Variants in RAPGEF5 observed in about 807,000 individuals in gnomAD.
RAPGEF5 encodes Rap guanine nucleotide exchange factor 5.
A neutral mutation model predicts 125.2 loss-of-function variants in RAPGEF5; 65 were observed. The observed-to-expected ratio is 0.52, with a 90% CI of 0.43 to 0.64. The LOEUF (loss-of-function observed/expected upper bound fraction) is 0.64. Ranked by LOEUF, RAPGEF5 falls within the 30% of genes least tolerant of loss-of-function variation. RAPGEF5 has a pLI of 0.00. For missense variants in RAPGEF5, 958 were observed against 1,048.1 expected, an observed-to-expected ratio of 0.91 and a Z score of 1.19; for synonymous variants, 391 against 385.9, an observed-to-expected ratio of 1.01 and a Z score of -0.16.
chr7:22,126,269 T>C (rs1782742278), intron 24 of RAPGEF5, among the ~76,000 whole-genome samples: 2 of 152,232 alleles, frequency 1.3e-5, no homozygotes, highest in Admixed American at 6.5e-5. Context: ...TGTTCACATT[T>C]GCACATGTGT....
intron 7 of RAPGEF5, among the ~76,000 whole-genome samples, chr7:22,236,029 C>T (rs1460992791): frequency 1.3e-5 from 2 of 152,116 alleles, no homozygotes; most frequent in African/African-American, 4.8e-5. Context: ...TAACCTGGCC[C>T]ATCCAGTGCC....
rs1404116512 is a variant in RAPGEF5, at chr7:22,258,154, T to C, written c.796+8810A>G. ...CAAAAAAAGAGCCAACTAGAAGAGATAATAGATGTAGATACAGATAAACTG... is the reference window on the plus strand; with the variant it reads ...CAAAAAAAGAGCCAACTAGAAGAGACAATAGATGTAGATACAGATAAACTG... On this transcript the variant is annotated intron_variant, in intron 7 of 25. Transcript: ENST00000665637. Among the ~76,000 whole-genome samples, 3 of 152,134 alleles carry C rather than the reference T, an allele frequency of 2.0e-5. No individual in the cohort carries two copies. The East Asian group carries it at 5.8e-4, about 29-fold the overall frequency.
rs1303389488 is a variant in RAPGEF5, at chr7:22,120,744, T to C, written c.*1662A>G. ...CCCTATAAATGTTCAGGACTGAAGT[T>C]TTACATGCTGGGCCAAACTAAGTCT... On this transcript the variant is annotated 3_prime_UTR_variant, in exon 26 of 26. Transcript: ENST00000665637. This position sits in a 1 kb window ranked among gnomAD's most constrained non-coding sequence, Gnocchi z 4.0. The C allele has an allele frequency of 6.6e-6, 1 of 152,216 alleles. No homozygotes were observed. The allele number at this position is 152,216 out of a possible 1,614,324, so 9.4% of individuals were successfully genotyped here.
chr7:22,337,637 C>G (rs1398936035), intron 1 of RAPGEF5, among the ~76,000 whole-genome samples: 1 of 152,154 alleles, frequency 6.6e-6, no homozygotes, highest in African/African-American at 2.4e-5. Context: ...CCGGAATGAC[C>G]CAGGGCAGTC....
intron 20 of RAPGEF5, among the ~76,000 whole-genome samples, chr7:22,140,831 G>A (rs937256433): frequency 1.3e-5 from 2 of 152,178 alleles, no homozygotes; most frequent in African/African-American, 4.8e-5. Context: ...GGATTTCACG[G>A]CAGCCAGAAT....
At chr7:22,350,543 T>A (rs1784312229) in intron 1 of RAPGEF5, among the ~76,000 whole-genome samples, 1 of 152,132 alleles carries the variant, frequency 6.6e-6, no homozygotes, top group Non-Finnish European at 1.5e-5. Context: ...GTGTATGTCA[T>A]TACAGAGGAA....
Position 22,193,945 on chromosome 7 carries a change from G to A in RAPGEF5, c.1085C>T (p.Pro362Leu). ...LKKVQCCGPA[P>L]TAGSAESHWR... The stretch of plus-strand genomic sequence containing the variant: ...ATGGCTCTCCGCACTCCCAGCTGTG[G>A]GGGCTGGGCCACAGCACTGCACTTT... Residue 362 changes from proline to leucine, a missense_variant, in exon 10 of 26, where the codon CCC becomes CTC. Pro to Leu is a moderately conservative substitution (Grantham distance 98). Coordinates refer to ENST00000665637, the MANE Select transcript of RAPGEF5 (RefSeq NM_012294.5). The A allele has an allele frequency of 2.5e-6, 4 of 1,613,896 alleles. No individual in the cohort carries two copies. The highest frequency in any genetic ancestry group is 2.5e-6 in the Non-Finnish European group (3 of 1,179,864).
At chr7:22,348,702 AG>A (rs1372265601) in intron 1 of RAPGEF5, among the ~76,000 whole-genome samples, 1 of 152,222 alleles carries the variant, frequency 6.6e-6, no homozygotes, top group Non-Finnish European at 1.5e-5. Context: ...ATGAAGACAG[AG>A]GGTACATTGG....
chr7:22,345,144 C>T (rs1440642268), intron 1 of RAPGEF5, among the ~76,000 whole-genome samples: 3 of 152,198 alleles, frequency 2.0e-5, no homozygotes, highest in Admixed American at 6.5e-5. Context: ...TGAGAAGTTC[C>T]GCTTTAGCCC....
intron 1 of RAPGEF5, among the ~76,000 whole-genome samples, chr7:22,339,466 G>A (rs73683355): frequency 0.024 from 3,671 of 152,142 alleles, 86 homozygotes; most frequent in African/African-American, 0.056. Flanking sequence ...GTTAAACTAC[G>A]AAGTTTTTGT....
chr7:22,207,092 G>C (rs10278086), intron 9 of RAPGEF5, among the ~76,000 whole-genome samples: 102,143 of 151,976 alleles, frequency 0.67, 34,408 homozygotes, highest in South Asian at 0.73. Flanking sequence ...CTCTCCCTTG[G>C]CCACCATCAA....
At chr7:22,159,592 A>T (rs1031616601) in intron 14 of RAPGEF5, among the ~76,000 whole-genome samples, 5 of 152,210 alleles carry the variant, frequency 3.3e-5, no homozygotes, top group African/African-American at 1.2e-4. Context: ...CTCTGTGGCT[A>T]AATCTGAAAA....
chr7:22,298,855 G>A (rs1356663469), intron 5 of RAPGEF5: 2 of 152,134 alleles, frequency 1.3e-5, no homozygotes, highest in African/African-American at 2.4e-5. Context: ...TTCAAAGAAT[G>A]TGTCCATTCC....
intron 7 of RAPGEF5, among the ~76,000 whole-genome samples, chr7:22,237,373 T>C (rs1298123787): frequency 6.6e-6 from 1 of 151,306 alleles, no homozygotes; most frequent in Non-Finnish European, 1.5e-5. Context: ...TTTTTTTTTT[T>C]TTGGATAAAC....
intron 25 of RAPGEF5, chr7:22,125,234 T>G: frequency 5.7e-6 from 1 of 176,726 alleles, no homozygotes; most frequent in Non-Finnish European, 1.2e-5. Flanking sequence ...CGCAAAGAGG[T>G]TAGGGGCAAG....
At chr7:22,292,938 G>A (rs564981753) in intron 5 of RAPGEF5, among the ~76,000 whole-genome samples, 7 of 150,522 alleles carry the variant, frequency 4.7e-5, no homozygotes, top group Non-Finnish European at 8.9e-5. Context: ...TCTTGTATAC[G>A]AGACTGGTAA....
At chr7:22,309,896 A>G in intron 4 of RAPGEF5, 73 bp downstream of exon 4, 1 of 1,435,384 alleles carries the variant, frequency 7.0e-7, no homozygotes, top group Non-Finnish European at 9.3e-7. Flanking sequence ...AACATCCTCT[A>G]GAAAATCAAG....
intron 8 of RAPGEF5, among the ~76,000 whole-genome samples, chr7:22,220,546 GCA>G (rs1291267509): frequency 1.3e-5 from 2 of 152,116 alleles, no homozygotes; most frequent in African/African-American, 4.8e-5. Context: ...CACTAATAGT[GCA>G]TAAAAGATGG....
chr7:22,328,325 G>T (rs1783853059), intron 1 of RAPGEF5, among the ~76,000 whole-genome samples: 1 of 152,336 alleles, frequency 6.6e-6, no homozygotes, highest in East Asian at 1.9e-4. Context: ...GGCTTGAGCC[G>T]TGAGGGTTAG....
Sources: gnomAD v4.1 joint callset for allele counts (sites outside exome capture counted in the v4.1 genomes callset) on GRCh38, gnomAD v4.1.1 for gene constraint, Gnocchi (gnomAD v3.1) non-coding constraint, MANE v1.5 for transcripts, NCBI Gene and HGNC (gene_info 2026-07-23, HGNC 2026-07-21) for gene names.